Variants in GPM6A observed in about 807,000 individuals in gnomAD.
GPM6A encodes the protein neuronal membrane glycoprotein M6-a.
A neutral mutation model predicts 32.1 loss-of-function variants in GPM6A; 7 were observed. That is an observed-to-expected ratio of 0.22 (90% CI 0.12 to 0.41). The LOEUF (loss-of-function observed/expected upper bound fraction) is 0.41. GPM6A is among the 10% of genes least tolerant of loss of function. The pLI is 1.00. For synonymous variants in GPM6A, 130 were observed against 123.4 expected, an observed-to-expected ratio of 1.05 and a Z score of -0.35; for missense variants, 235 against 347.2, an observed-to-expected ratio of 0.68 and a Z score of 2.57.
intron 1 of GPM6A, among the ~76,000 whole-genome samples, chr4:175,779,919 C>T (rs1002648251): frequency 6.6e-6 from 1 of 151,474 alleles, no homozygotes; most frequent in African/African-American, 2.4e-5. Flanking sequence ...AGATAATACA[C>T]ATGTATTCAT....
chr4:175,835,014 T>C (rs1735721322), intron 1 of GPM6A, among the ~76,000 whole-genome samples: 2 of 152,216 alleles, frequency 1.3e-5, no homozygotes, highest in African/African-American at 4.8e-5. Context: ...CTTCTCCTGC[T>C]GAGCTCACCA....
chr4:175,787,157 G>T (rs1733836088), intron 1 of GPM6A, among the ~76,000 whole-genome samples: 1 of 151,802 alleles, frequency 6.6e-6, no homozygotes. Context: ...CCTTATGAAA[G>T]ATCAAACAAC....
intron 1 of GPM6A, among the ~76,000 whole-genome samples, chr4:175,863,996 G>T (rs1317358294): frequency 6.6e-6 from 1 of 151,190 alleles, no homozygotes; most frequent in Non-Finnish European, 1.5e-5. Context: ...GAGAGACCCT[G>T]TCTCCGAAAA....
chr4:175,787,754 C>T (rs1457148599), intron 1 of GPM6A: 3 of 308,034 alleles, frequency 9.7e-6, no homozygotes, highest in Admixed American at 6.0e-5. Context: ...CAATATAAAG[C>T]ACCATTTTAA....
intron 1 of GPM6A, among the ~76,000 whole-genome samples, chr4:175,776,419 G>T (rs1050606552): frequency 6.6e-6 from 1 of 152,142 alleles, no homozygotes; most frequent in Non-Finnish European, 1.5e-5. Flanking sequence ...AGGAAGGAGG[G>T]ACAGAAGCTC....
intron 3 of GPM6A, among the ~76,000 whole-genome samples, chr4:175,670,169 TA>T (rs2110973086): frequency 6.6e-6 from 1 of 152,358 alleles, no homozygotes; most frequent in East Asian, 1.9e-4. Flanking sequence ...TTGTTTTATT[TA>T]ACTCTTAGAG....
chr4:175,672,657 C>T (rs1232947561), intron 3 of GPM6A, among the ~76,000 whole-genome samples: 2 of 151,946 alleles, frequency 1.3e-5, no homozygotes, highest in African/African-American at 2.4e-5. Flanking sequence ...ATTTAAAGCC[C>T]CTTAGTCACA....
At chr4:175,867,518 A>G (rs1736777903) in intron 1 of GPM6A, among the ~76,000 whole-genome samples, 1 of 152,054 alleles carries the variant, frequency 6.6e-6, no homozygotes, top group Non-Finnish European at 1.5e-5. Context: ...TCTTTGCTCC[A>G]TTATATTGCC....
intron 2 of GPM6A, among the ~76,000 whole-genome samples, chr4:175,696,599 C>T (rs1744594742): frequency 6.6e-6 from 1 of 152,136 alleles, no homozygotes; most frequent in Non-Finnish European, 1.5e-5. Flanking sequence ...ATGTTTGACT[C>T]CCCAAGAATA....
intron 1 of GPM6A, among the ~76,000 whole-genome samples, chr4:175,866,495 T>C (rs1736743338): frequency 6.6e-6 from 1 of 152,182 alleles, no homozygotes; most frequent in Non-Finnish European, 1.5e-5. Context: ...TTCCAGAATG[T>C]CATATAGTTA....
At chr4:175,656,611 T>C (rs1742099273) in intron 3 of GPM6A, among the ~76,000 whole-genome samples, 1 of 152,182 alleles carries the variant, frequency 6.6e-6, no homozygotes. Context: ...AAAGGTGACA[T>C]ATTGCTTCTT....
intron 1 of GPM6A, among the ~76,000 whole-genome samples, chr4:175,723,502 A>G (rs1746247747): frequency 6.6e-6 from 1 of 152,142 alleles, no homozygotes; most frequent in African/African-American, 2.4e-5. Flanking sequence ...TGAAAATTCA[A>G]CAGATGCTAT....
chr4:175,892,869 T>C (rs1425939539), intron 1 of GPM6A, among the ~76,000 whole-genome samples: 1 of 152,242 alleles, frequency 6.6e-6, no homozygotes, highest in Non-Finnish European at 1.5e-5. Context: ...AGGGTTTCAA[T>C]GTCAAGACTC....
intron 1 of GPM6A, among the ~76,000 whole-genome samples, chr4:175,951,585 C>A (rs1354432491): frequency 6.6e-6 from 1 of 152,124 alleles, no homozygotes; most frequent in Non-Finnish European, 1.5e-5. Context: ...AGCAATGAGG[C>A]TTTAGGCATT....
At chr4:175,851,174 T>C (rs901550591) in intron 1 of GPM6A, among the ~76,000 whole-genome samples, 4 of 151,920 alleles carry the variant, frequency 2.6e-5, no homozygotes, top group Admixed American at 2.0e-4. Flanking sequence ...CTGGCCAACA[T>C]GGTGAAACCC....
chr4:175,999,382 T>G (rs1045101514), intron 1 of GPM6A, among the ~76,000 whole-genome samples: 1 of 152,216 alleles, frequency 6.6e-6, no homozygotes, highest in Non-Finnish European at 1.5e-5. Flanking sequence ...TCAACTATTT[T>G]GTTGCATCCT....
At chr4:175,962,170 T>C (rs1740187797) in intron 1 of GPM6A, 2 of 988,492 alleles carry the variant, frequency 2.0e-6, no homozygotes, top group Non-Finnish European at 3.2e-6. Flanking sequence ...CCCAAGGTGA[T>C]CGAGCACCTG....
intron 2 of GPM6A, among the ~76,000 whole-genome samples, chr4:175,696,288 A>G (rs1437078462): frequency 6.6e-6 from 1 of 152,210 alleles, no homozygotes; most frequent in African/African-American, 2.4e-5. Context: ...GAGGTTAAGT[A>G]ACTTTTCCAA....
intron 4 of GPM6A, among the ~76,000 whole-genome samples, chr4:175,646,407 C>T (rs903127567): frequency 2.6e-5 from 4 of 152,036 alleles, no homozygotes; most frequent in South Asian, 2.1e-4. Context: ...AGGTTAAAAG[C>T]GCTATTTATT....
Sources: gnomAD v4.1 joint callset for allele counts (sites outside exome capture counted in the v4.1 genomes callset) on GRCh38, gnomAD v4.1.1 for gene constraint, MANE v1.5 for transcripts, NCBI Gene and HGNC (gene_info 2026-07-23, HGNC 2026-07-21) for gene names.